Variants in HVCN1 observed in about 807,000 individuals in gnomAD.
The protein encoded by HVCN1 is voltage-gated hydrogen channel 1.
In HVCN1, 14 loss-of-function variants were observed where a neutral mutation model predicts 29.2. That is an observed-to-expected ratio of 0.48 (90% confidence interval 0.32 to 0.75). The LOEUF is 0.75. HVCN1 is among the 30% of genes least tolerant of loss of function. The probability of loss-of-function intolerance (pLI) is 0.04; values close to 1 mark genes in which losing one functional copy is unlikely to be tolerated. For synonymous variants in HVCN1, 131 were observed against 133.2 expected (o/e 0.98, Z 0.11); for missense variants, 263 against 341.8 (o/e 0.77, Z 1.82).
In HVCN1 at chr12:110,661,736, G is replaced by A. The variant is rs75481853; in HGVS notation, c.22-288C>T. ...ACTGCAGCCCGGTCCCAAAACACCC[G>A]CCACGGGCCCATGTGTGAATACCGG... On this transcript the variant is annotated intron_variant, in intron 3 of 7. Transcript: ENST00000242607. The surrounding 1 kb of genome is among the most constrained non-coding windows in gnomAD (Gnocchi z 6.2). 0.016 allele frequency among the ~76,000 whole-genome samples: 2,409 copies of A among 152,280 alleles called. 75 individuals are homozygous for A. The highest frequency in any genetic ancestry group is 0.055 in the African/African-American group (2,275 of 41,542).
In HVCN1 at chr12:110,651,253, G is replaced by C; in HGVS notation, c.607C>G (p.Leu203Val). 6.2e-7 allele frequency: 1 copy of C among 1,614,030 alleles called. No individual in the cohort carries two copies. Among genetic ancestry groups the C allele is most frequent in the Non-Finnish European group, 8.5e-7 (1 of 1,179,934 alleles). Residue 203 changes from leucine to valine, a missense_variant, in exon 6 of 8, where the codon CTG becomes GTG. Transcript: ENST00000242607. ...HQFEALGLLILLRLWRVARII... is the reference protein window; with the variant it reads ...HQFEALGLLIVLRLWRVARII... ...CGGGCCACCCGCCACAGCCGGAGCAGAATCAGCAGGCCCAGAGCCTCAAAC... is the reference window on the plus strand; with the variant it reads ...CGGGCCACCCGCCACAGCCGGAGCACAATCAGCAGGCCCAGAGCCTCAAAC...
At chr12:110,698,741 C>T (rs2069530360) in intron 2 of HVCN1, among the ~76,000 whole-genome samples, 1 of 152,204 alleles carries the variant, frequency 6.6e-6, no homozygotes. Context: ...CGTCCACTGG[C>T]CCTGGGCAGC....
At chr12:110,683,925 AGG>A (rs1566061520) in intron 2 of HVCN1, among the ~76,000 whole-genome samples, 2 of 117,522 alleles carry the variant, frequency 1.7e-5, no homozygotes, top group African/African-American at 7.9e-5. Context: ...AAAAAAAAAA[AGG>A]AAAAAAAAAA....
At chr12:110,699,671 T>C (rs537678427) in intron 2 of HVCN1, among the ~76,000 whole-genome samples, 32 of 152,020 alleles carry the variant, frequency 2.1e-4, no homozygotes, top group African/African-American at 7.0e-4. Context: ...GTGATGATGA[T>C]AACGGGGAGA....
upstream of HVCN1, among the ~76,000 whole-genome samples, chr12:110,690,379 A>G (rs934566514): frequency 1.3e-5 from 2 of 152,130 alleles, no homozygotes; most frequent in African/African-American, 2.4e-5. Flanking sequence ...TAGGATGTGG[A>G]TATCTTGGTA....
chr12:110,704,890 T>A (rs914418073), exon 1 of HVCN1: 1 of 152,240 alleles, frequency 6.6e-6, no homozygotes, highest in African/African-American at 2.4e-5. Context: ...TTGGCCCCGA[T>A]GCAGTGGGCA....
chr12:110,675,903 T>C (rs891174329), intron 3 of HVCN1, among the ~76,000 whole-genome samples: 4 of 152,150 alleles, frequency 2.6e-5, no homozygotes, highest in African/African-American at 9.7e-5. Flanking sequence ...AACAAGATTC[T>C]GTCTCAATAA....
rs150675024 is a variant in HVCN1 at position 110,676,037 on chromosome 12, C to A, written c.21+7188G>T. ...TAACCACCACCTGTCAGTGGACAGT[C>A]CACAGACTTGCAGCTGGGTGTGCTG... On this transcript the variant is annotated intron_variant, in intron 3 of 7. Transcript: ENST00000242607. This position sits in a 1 kb window ranked among gnomAD's most constrained non-coding sequence, Gnocchi z 4.1. Among the ~76,000 whole-genome samples, 714 of 152,350 alleles carry A rather than the reference C, an allele frequency of 4.7e-3. 8 individuals carry two copies. The highest frequency in any genetic ancestry group is 0.016 in the African/African-American group (670 of 41,578).
At position 110,655,149 on chromosome 12, in the gene HVCN1, C is replaced by G. The variant is rs1405123419; in HGVS notation, c.411+85G>C. On this transcript the variant is annotated intron_variant, in intron 5 of 7. Transcript: ENST00000242607. ...GACCTTGCTACTCCAAGTGGGGTGT[C>G]AGCTGCTCCACTCTGCACCCCGTCT... is the stretch of plus-strand genomic sequence containing the variant. The G allele has an allele frequency of 5.2e-6, 5 of 964,172 alleles. No homozygotes were observed. The Admixed American group carries it at 5.3e-5, about 10-fold the overall frequency. 59.7% of individuals were successfully genotyped at this position (964,172 alleles called of 1,614,324 possible).
intron 1 of HVCN1, among the ~76,000 whole-genome samples, chr12:110,703,823 T>C (rs1354618185): frequency 6.6e-6 from 1 of 152,110 alleles, no homozygotes; most frequent in Non-Finnish European, 1.5e-5. Flanking sequence ...TAGCTGGGAT[T>C]ATAGGCGTGC....
At chr12:110,694,317 C>T (rs1430849591), upstream of HVCN1, among the ~76,000 whole-genome samples, 1 of 152,254 alleles carries the variant, frequency 6.6e-6, no homozygotes. This position sits in a 1 kb window ranked among gnomAD's most constrained non-coding sequence, Gnocchi z 4.6. Flanking sequence ...CCGCCTTGGT[C>T]TCTCAAAGTG....
chr12:110,691,890 C>CCTG (rs2069412556), upstream of HVCN1, among the ~76,000 whole-genome samples: 1 of 152,194 alleles, frequency 6.6e-6, no homozygotes, highest in South Asian at 2.1e-4. Flanking sequence ...TGGCCTGGAA[C>CCTG]CTGGGGCCAC....
At chr12:110,655,711 T>G (rs557824167) in intron 4 of HVCN1, among the ~76,000 whole-genome samples, 4 of 151,908 alleles carry the variant, frequency 2.6e-5, no homozygotes, top group Non-Finnish European at 5.9e-5. Context: ...ATCAGTTTTT[T>G]TTTTTTTTTT....
chr12:110,703,689 T>G (rs1340731667), intron 1 of HVCN1, among the ~76,000 whole-genome samples: 1 of 151,736 alleles, frequency 6.6e-6, no homozygotes, highest in Non-Finnish European at 1.5e-5. Context: ...CCCCCGCCTC[T>G]CTCTTTTTTT....
At chr12:110,685,438 T>C (rs750588404) in intron 2 of HVCN1, among the ~76,000 whole-genome samples, 2 of 151,998 alleles carry the variant, frequency 1.3e-5, no homozygotes, top group Non-Finnish European at 2.9e-5. Context: ...GCATAATAAA[T>C]GTGTGTTATC....
chr12:110,701,734 G>A (rs1356509015), intron 2 of HVCN1, among the ~76,000 whole-genome samples: 4 of 151,822 alleles, frequency 2.6e-5, no homozygotes, highest in Admixed American at 1.3e-4. Context: ...GTGCACGCCT[G>A]TAGCTCCAGC....
At chr12:110,703,724 G>A (rs1173672325) in intron 1 of HVCN1, among the ~76,000 whole-genome samples, 2 of 149,674 alleles carry the variant, frequency 1.3e-5, no homozygotes, top group African/African-American at 2.5e-5. Context: ...TCACCTCATC[G>A]CCTAGGCTGG....
At chr12:110,683,135 G>T in intron 3 of HVCN1, 90 bp downstream of exon 3, 4 of 1,529,652 alleles carry the variant, frequency 2.6e-6, no homozygotes, top group Admixed American at 1.7e-5. Flanking sequence ...TGAACAGGGA[G>T]TTCTCCCTCT....
chr12:110,672,644 C>T (rs2068622595), intron 3 of HVCN1, among the ~76,000 whole-genome samples: 3 of 152,146 alleles, frequency 2.0e-5, no homozygotes, highest in South Asian at 4.1e-4. Flanking sequence ...GCTGTGTCCC[C>T]ACCCAAATCT....
Sources: allele counts gnomAD v4.1 joint callset (sites outside exome capture counted in the v4.1 genomes callset), GRCh38; gene constraint gnomAD v4.1.1; non-coding constraint Gnocchi (gnomAD v3.1); transcripts MANE v1.5; gene names NCBI Gene and HGNC (gene_info 2026-07-23, HGNC 2026-07-21).